Variants in MTCL1 observed in about 807,000 individuals in gnomAD.
MTCL1 encodes microtubule cross-linking factor 1.
Under a neutral mutation model 141.4 loss-of-function variants are expected in MTCL1, and 79 were observed. The observed-to-expected ratio is 0.56, with a 90% CI of 0.47 to 0.67. The LOEUF is 0.67. Among genes scored for constraint, MTCL1 ranks in the 30% least tolerant of loss-of-function variants. The pLI is 0.00. For synonymous variants in MTCL1, 914 were observed against 875.8 expected (o/e 1.04, Z -0.77); for missense variants, 2,177 against 2,113.9 (o/e 1.03, Z -0.59).
chr18:8,706,584 G>C (rs1025818003), exon 1 of MTCL1: 1 of 1,496,334 alleles, frequency 6.7e-7, no homozygotes, highest in African/African-American at 1.4e-5. Context: ...GCTCGCCACC[G>C]GAGCGACCAG....
Position 8,824,856 on chromosome 18 carries a change from T to C in MTCL1, c.3346T>C (p.Trp1116Arg), listed in dbSNP as rs2076963443. The C allele has an allele frequency of 3.1e-6, 5 of 1,614,000 alleles. No individual in the cohort carries two copies. The East Asian group carries it at 1.1e-4, about 36-fold the overall frequency. ...GTACATCGAGGAGTTCAACAAGAGC[T>C]GGGACTACACACCCAACAGGGGCCA... is the stretch of plus-strand genomic sequence containing the variant. The change falls in exon 15 of 17, where the codon TGG (tryptophan) becomes CGG (arginine). Residue 1116 changes from tryptophan (W) to arginine (R), a missense_variant. Transcript: ENST00000359865.
chr18:8,823,999 G>A (rs943131848), intron 14 of MTCL1, among the ~76,000 whole-genome samples: 6 of 152,178 alleles, frequency 3.9e-5, no homozygotes, highest in South Asian at 4.1e-4. Context: ...TCTGGACAGT[G>A]AGTCTACAGA....
intron 7 of MTCL1, chr18:8,787,293 A>G (rs1241198427): frequency 1.3e-5 from 2 of 152,304 alleles, no homozygotes. Flanking sequence ...TCTCCAAACA[A>G]TGCAGCTCAG....
chr18:8,788,025 C>T (rs1264451241), intron 7 of MTCL1, among the ~76,000 whole-genome samples: 1 of 152,058 alleles, frequency 6.6e-6, no homozygotes, highest in East Asian at 1.9e-4. Flanking sequence ...GGGCAGAACT[C>T]TTAAAAGCCT....
chr18:8,708,053 T>C (rs1188788436), intron 1 of MTCL1, among the ~76,000 whole-genome samples: 2 of 152,220 alleles, frequency 1.3e-5, no homozygotes, highest in East Asian at 1.9e-4. Context: ...TCTTAGGTAA[T>C]AGACAACGGA....
intron 6 of MTCL1, 197 bp from the exon 6 acceptor site, chr18:8,785,739 C>A (rs1377002743): frequency 1.5e-6 from 1 of 648,474 alleles, no homozygotes; most frequent in Non-Finnish European, 2.6e-6. Flanking sequence ...CTGTTTTCTT[C>A]ACTTTCTTAC....
Position 8,819,352 on chromosome 18 carries a change from A to G in MTCL1, c.3156+93A>G. ...GCATCTGCCAGATTCCTCTCCTGGCAGGCTCTAGCACTTTTGCATACAGCA... is the reference window on the plus strand; with the variant it reads ...GCATCTGCCAGATTCCTCTCCTGGCGGGCTCTAGCACTTTTGCATACAGCA... On this transcript the variant is annotated intron_variant, in intron 13 of 16. Transcript: ENST00000359865. The G allele has an allele frequency of 1.5e-6, 2 of 1,375,174 alleles. 1 individual carries two copies. The highest frequency in any genetic ancestry group is 2.7e-5 in the South Asian group (2 of 73,940). The allele number at this position is 1,375,174 out of a possible 1,614,324, so 85.2% of individuals were successfully genotyped here. A position where few individuals can be genotyped will look rare whatever the true frequency, so the allele number is the denominator to read the frequency against.
chr18:8,800,105 G>A, intron 10 of MTCL1, among the ~76,000 whole-genome samples: 1 of 152,226 alleles, frequency 6.6e-6, no homozygotes, highest in Non-Finnish European at 1.5e-5. Context: ...ACGGAAGATG[G>A]ACGAGCTCTA....
intron 10 of MTCL1, among the ~76,000 whole-genome samples, chr18:8,801,022 TC>T (rs1335431214): frequency 1.7e-4 from 26 of 152,274 alleles, no homozygotes; most frequent in African/African-American, 5.8e-4. Context: ...AAGAGCCTCA[TC>T]CAGTCCAGCC....
chr18:8,717,605 G>A (rs1000432403), intron 1 of MTCL1, among the ~76,000 whole-genome samples: 7 of 152,192 alleles, frequency 4.6e-5, no homozygotes, highest in Non-Finnish European at 7.4e-5. Flanking sequence ...AGGGCCAGCT[G>A]AGCAGTGGGC....
chr18:8,792,238 A>T (rs183630733), intron 7 of MTCL1, among the ~76,000 whole-genome samples: 2 of 152,388 alleles, frequency 1.3e-5, no homozygotes, highest in East Asian at 1.9e-4. Context: ...GATTTTTAGC[A>T]TAAGAGTGTT....
At chr18:8,745,372 A>G (rs73939521) in intron 4 of MTCL1, among the ~76,000 whole-genome samples, 17,974 of 152,162 alleles carry the variant, frequency 0.12, 2,351 homozygotes, top group African/African-American at 0.31. Flanking sequence ...TTTTGAATAA[A>G]CCAAGAGACG....
At chr18:8,728,032 A>T (rs1469761786) in intron 4 of MTCL1, among the ~76,000 whole-genome samples, 1 of 152,188 alleles carries the variant, frequency 6.6e-6, no homozygotes, top group Non-Finnish European at 1.5e-5. Context: ...GAAGTTTAAA[A>T]CTAATCATTA....
rs16954011 is a variant in MTCL1, at chr18:8,719,215, G to A, written c.198+567G>A. Among the ~76,000 whole-genome samples the A allele has an allele frequency of 3.3e-5, 5 of 152,282 alleles. No individual in the cohort carries two copies. In the South Asian group the frequency reaches 1.0e-3, roughly 32 times the overall value. On this transcript the variant is annotated intron_variant, in intron 3 of 16. Coordinates refer to ENST00000359865, the Ensembl canonical transcript of MTCL1. ...CCAGACTTTAAGCCATTTTCTCTCC[G>A]TGGGCAGCGAGGCCCTCATGACCTG...
chr18:8,818,033 C>T (rs1423163174), intron 12 of MTCL1, among the ~76,000 whole-genome samples: 1 of 152,156 alleles, frequency 6.6e-6, no homozygotes, highest in Non-Finnish European at 1.5e-5. Context: ...CATATGGGCT[C>T]CCTTCCTGAG....
intron 12 of MTCL1, among the ~76,000 whole-genome samples, chr18:8,818,522 A>T (rs1361570364): frequency 6.6e-6 from 1 of 152,250 alleles, no homozygotes; most frequent in Non-Finnish European, 1.5e-5. Context: ...TAGGAAAATC[A>T]GATTCACACT....
At chr18:8,731,766 T>C (rs779055273) in intron 4 of MTCL1, among the ~76,000 whole-genome samples, 2 of 151,992 alleles carry the variant, frequency 1.3e-5, no homozygotes, top group African/African-American at 2.4e-5. Context: ...TGGAGTGCAG[T>C]GGTGTGATCT....
intron 4 of MTCL1, among the ~76,000 whole-genome samples, chr18:8,756,543 G>GTATATATATGTGTGTATA (rs375645531): frequency 2.8e-5 from 4 of 144,792 alleles, no homozygotes; most frequent in African/African-American, 1.1e-4. Flanking sequence ...GTATATATGT[G>GTATATATATGTGTGTATA]TATATATATG....
chr18:8,731,201 T>C (rs939302087), intron 4 of MTCL1, among the ~76,000 whole-genome samples: 4 of 151,736 alleles, frequency 2.6e-5, no homozygotes, highest in Non-Finnish European at 5.9e-5. Flanking sequence ...GCCAAGATTG[T>C]GCCACTGCAC....
Sources: allele counts gnomAD v4.1 joint callset (sites outside exome capture counted in the v4.1 genomes callset), GRCh38; gene constraint gnomAD v4.1.1; transcripts MANE v1.5; gene names NCBI Gene and HGNC (gene_info 2026-07-23, HGNC 2026-07-21).